NR5A2: variants seen among roughly 807,000 people sequenced by gnomAD.
NR5A2 encodes the protein nuclear receptor subfamily 5 group A member 2.
Under a neutral mutation model 62.7 loss-of-function variants are expected in NR5A2, and 26 were observed. The observed-to-expected ratio is 0.41, with a 90% confidence interval of 0.30 to 0.58. NR5A2 has a LOEUF of 0.58. Ranked by LOEUF, NR5A2 falls within the 20% of genes least tolerant of loss-of-function variation. The probability of loss-of-function intolerance (pLI) is 0.22; values close to 1 mark genes in which losing one functional copy is unlikely to be tolerated. For missense variants in NR5A2, 541 were observed against 669.1 expected, an observed-to-expected ratio of 0.81 and a Z score of 2.11; for synonymous variants, 246 against 241.7, an observed-to-expected ratio of 1.02 and a Z score of -0.16.
intron 7 of NR5A2, among the ~76,000 whole-genome samples, chr1:200,131,797 C>A (rs2102329390): frequency 6.6e-6 from 1 of 152,292 alleles, no homozygotes; most frequent in East Asian, 1.9e-4. Flanking sequence ...GATCTTCTTT[C>A]TAGTTTACTG....
At chr1:200,171,593 A>G (rs1654183458) in intron 7 of NR5A2, among the ~76,000 whole-genome samples, 1 of 152,162 alleles carries the variant, frequency 6.6e-6, no homozygotes, top group African/African-American at 2.4e-5. Flanking sequence ...TACTAAAAAT[A>G]TAAAAATTAG....
intron 5 of NR5A2, among the ~76,000 whole-genome samples, chr1:200,063,855 T>C (rs1331710741): frequency 6.6e-6 from 1 of 152,174 alleles, no homozygotes; most frequent in African/African-American, 2.4e-5. Context: ...TCAATCCCTA[T>C]GCTAAATTGC....
rs911365750 is a variant in NR5A2 at position 200,174,360 on chromosome 1, C to CATA, written c.*156_*158dup. 9 of 738,892 alleles carry CATA rather than the reference C, an allele frequency of 1.2e-5. No individual in the cohort carries two copies. In the African/African-American group the frequency reaches 1.4e-4, roughly 12 times the overall value. 45.8% of individuals were successfully genotyped at this position (738,892 alleles called of 1,614,324 possible). On this transcript the variant is annotated 3_prime_UTR_variant, in exon 8 of 8. Transcript: ENST00000367362. Reference sequence around the variant, plus strand: ...TTTAAAGATATTGAATTTAAAAAGGCATAATAATCAAATACTTAATAGCAA... The same window carrying CATA: ...TTTAAAGATATTGAATTTAAAAAGGCATAATAATAATCAAATACTTAATAGCAA...
rs767393832 is a variant in NR5A2 at position 200,034,783 on chromosome 1, C to CTTTTTTTT, written c.65-4851_65-4844dup. ...GTTATTCACACGTGCAGCAGAAAGG[C>CTTTTTTTT]TTTTTTTTTTTTTTTTTTTTTTTTT... On this transcript the variant is annotated intron_variant, in intron 1 of 7. Coordinates refer to ENST00000367362, the MANE Select transcript of NR5A2 (RefSeq NM_205860.3). 6.6e-4 allele frequency among the ~76,000 whole-genome samples: 47 copies of CTTTTTTTT among 71,286 alleles called. 3 individuals are homozygous for CTTTTTTTT. Among genetic ancestry groups the CTTTTTTTT allele is most frequent in the African/African-American group, 2.5e-3 (47 of 18,910 alleles). 46.8% of individuals were successfully genotyped at this position (71,286 alleles called of 152,430 possible).
At chr1:200,170,637 T>C (rs1007216836) in intron 7 of NR5A2, among the ~76,000 whole-genome samples, 3 of 152,314 alleles carry the variant, frequency 2.0e-5, no homozygotes, top group South Asian at 4.1e-4. Context: ...TCAGGTCCAG[T>C]CCGCAGCATC....
At chr1:200,063,132 T>G (rs1252624599) in intron 5 of NR5A2, among the ~76,000 whole-genome samples, 1 of 151,884 alleles carries the variant, frequency 6.6e-6, no homozygotes, top group African/African-American at 2.4e-5. Context: ...CAAGCAATTC[T>G]CCTGCCTCAG....
intron 5 of NR5A2, among the ~76,000 whole-genome samples, chr1:200,074,673 C>T (rs1266652839): frequency 7.2e-6 from 1 of 138,406 alleles, no homozygotes; most frequent in East Asian, 2.3e-4. Context: ...GGAGGTGGAG[C>T]CTGCAGTGAG....
chr1:200,132,757 C>G (rs909193255), intron 7 of NR5A2, among the ~76,000 whole-genome samples: 1 of 151,766 alleles, frequency 6.6e-6, no homozygotes, highest in Non-Finnish European at 1.5e-5. Context: ...GTCAACCACT[C>G]TGTTCAACTC....
Position 200,027,765 on chromosome 1 carries a change from C to A in NR5A2, c.-83C>A. 1 of 971,316 alleles carries A rather than the reference C, an allele frequency of 1.0e-6. No homozygotes were observed. The highest frequency in any genetic ancestry group is 1.6e-6 in the Non-Finnish European group (1 of 631,810). 60.2% of individuals were successfully genotyped at this position (971,316 alleles called of 1,614,324 possible). ...GTAGTCTGATGTGTCCTTCCCAAGG[C>A]CACGAAATTTGACAAGCTGCACTTT... On this transcript the variant is annotated 5_prime_UTR_variant, in exon 1 of 8. Coordinates refer to ENST00000367362, the MANE Select transcript of NR5A2 (RefSeq NM_205860.3).
At chr1:200,168,715 C>T (rs973617710) in intron 7 of NR5A2, among the ~76,000 whole-genome samples, 1 of 152,080 alleles carries the variant, frequency 6.6e-6, no homozygotes, top group African/African-American at 2.4e-5. Flanking sequence ...CCTGCCCTCC[C>T]CTCCCCAATC....
intron 2 of NR5A2, among the ~76,000 whole-genome samples, chr1:200,042,079 G>A (rs1472298510): frequency 1.3e-5 from 2 of 152,192 alleles, no homozygotes; most frequent in African/African-American, 2.4e-5. Context: ...CAAACCCCCA[G>A]GTTCCTAAAA....
intron 5 of NR5A2, among the ~76,000 whole-genome samples, chr1:200,084,300 C>A (rs1664429180): frequency 6.6e-6 from 1 of 152,092 alleles, no homozygotes; most frequent in Non-Finnish European, 1.5e-5. Flanking sequence ...TCTGTTTAAG[C>A]CTTCAGGAGA....
At chr1:200,119,483 G>T (rs951899742) in intron 6 of NR5A2, among the ~76,000 whole-genome samples, 1 of 152,170 alleles carries the variant, frequency 6.6e-6, no homozygotes, top group Non-Finnish European at 1.5e-5. Flanking sequence ...AAAAGGATGG[G>T]AGCGTCAGGT....
chr1:200,130,304 AAGAAGAAGAAGAAGAAG>A (rs767166134), intron 7 of NR5A2, among the ~76,000 whole-genome samples: 70,525 of 118,390 alleles, frequency 0.6, 17,320 homozygotes, highest in Non-Finnish European at 0.67. Context: ...GAAGAAGAAG[AAGAAGAAGAAGAAGAAG>A]AAAAAAAAAA....
chr1:200,052,807 A>AT lies in NR5A2; in HGVS notation c.1110+3995dup, dbSNP rs199713833. ...CAGGTGCCTGCCACCACGCCGGCTAATTTTTTGTATTTTTAGTAGAGACGG... is the reference window on the plus strand; with the variant it reads ...CAGGTGCCTGCCACCACGCCGGCTAATTTTTTTGTATTTTTAGTAGAGACGG... On this transcript the variant is annotated intron_variant, in intron 5 of 7. Transcript: ENST00000367362. Among the ~76,000 whole-genome samples the AT allele has an allele frequency of 8.7e-3, 1,328 of 152,032 alleles. 15 individuals are homozygous for AT. The highest frequency in any genetic ancestry group is 0.03 in the African/African-American group (1,238 of 41,484).
At chr1:200,052,611 T>C (rs1662688958) in intron 5 of NR5A2, among the ~76,000 whole-genome samples, 1 of 152,184 alleles carries the variant, frequency 6.6e-6, no homozygotes, top group African/African-American at 2.4e-5. Context: ...TATTTGCTCC[T>C]AATTAGGCAA....
chr1:200,118,431 A>T (rs1666341134), intron 6 of NR5A2, among the ~76,000 whole-genome samples: 1 of 152,208 alleles, frequency 6.6e-6, no homozygotes, highest in African/African-American at 2.4e-5. Flanking sequence ...GATTCTTGAT[A>T]ATCATAGAAG....
intron 7 of NR5A2, among the ~76,000 whole-genome samples, chr1:200,146,495 C>G (rs1667700074): frequency 6.6e-6 from 1 of 152,120 alleles, no homozygotes; most frequent in Admixed American, 6.5e-5. Context: ...TGGAAACCAC[C>G]TGGAATTCTT....
chr1:200,142,719 G>A (rs991327580), intron 7 of NR5A2, among the ~76,000 whole-genome samples: 6 of 151,890 alleles, frequency 4.0e-5, no homozygotes, highest in South Asian at 4.2e-4. Context: ...TAATAGACCT[G>A]TTTTCCCATT....
Sources: allele counts gnomAD v4.1 joint callset (sites outside exome capture counted in the v4.1 genomes callset), GRCh38; gene constraint gnomAD v4.1.1; transcripts MANE v1.5; gene names NCBI Gene and HGNC (gene_info 2026-07-23, HGNC 2026-07-21).